The following TANGO6 variants were observed in gnomAD, a reference collection of about 807,000 sequenced individuals.
TANGO6 encodes the protein transport and Golgi organization protein 6 homolog.
In TANGO6, 90 loss-of-function variants were observed where a neutral mutation model predicts 114.2. That is an observed-to-expected ratio of 0.79 (90% CI 0.66 to 0.94). The LOEUF is 0.94. Among genes scored for constraint, TANGO6 ranks in the 40% least tolerant of loss-of-function variants. TANGO6 has a pLI of 0.00. For missense variants in TANGO6, 1,274 were observed against 1,315.3 expected, an observed-to-expected ratio of 0.97 and a Z score of 0.49; for synonymous variants, 477 against 509.8, an observed-to-expected ratio of 0.94 and a Z score of 0.87.
intron 17 of TANGO6, among the ~76,000 whole-genome samples, chr16:69,073,337 C>T (rs1335284334): frequency 6.6e-6 from 1 of 152,210 alleles, no homozygotes; most frequent in African/African-American, 2.4e-5. Flanking sequence ...TCTTCCTCCA[C>T]CCACCTCCAA....
At chr16:68,867,465 G>A (rs567975045) in intron 4 of TANGO6, 4 of 415,276 alleles carry the variant, frequency 9.6e-6, no homozygotes, top group Middle Eastern at 1.3e-3. Context: ...AATATTGTAA[G>A]CCATTTCAAA....
chr16:68,916,201 G>A (rs1051271701), intron 11 of TANGO6, among the ~76,000 whole-genome samples: 99 of 152,166 alleles, frequency 6.5e-4, no homozygotes, highest in African/African-American at 2.3e-3. Context: ...CCCAGGCCAC[G>A]GACTGGTACT....
At chr16:68,844,179 G>A (rs1191039167) in intron 1 of TANGO6, among the ~76,000 whole-genome samples, 1 of 152,166 alleles carries the variant, frequency 6.6e-6, no homozygotes, top group Non-Finnish European at 1.5e-5. Context: ...AAATGGGTTT[G>A]GGGAGAGTAT....
intron 14 of TANGO6, among the ~76,000 whole-genome samples, chr16:68,963,038 G>A (rs1394113021): frequency 6.7e-6 from 1 of 149,004 alleles, no homozygotes; most frequent in African/African-American, 2.5e-5. Context: ...AGCTTGCAGT[G>A]AGCCGAGATC....
At chr16:68,983,080 C>A (rs1963855393) in intron 15 of TANGO6, among the ~76,000 whole-genome samples, 1 of 151,850 alleles carries the variant, frequency 6.6e-6, no homozygotes, top group South Asian at 2.1e-4. Context: ...AAACTCCTGG[C>A]CTCAAATGAT....
chr16:69,004,564 C>T (rs1032743865), intron 15 of TANGO6, among the ~76,000 whole-genome samples: 3 of 151,634 alleles, frequency 2.0e-5, no homozygotes, highest in Non-Finnish European at 2.9e-5. Flanking sequence ...GCATGTTGGT[C>T]AGGCTGGTCT....
chr16:68,861,791 C>T (rs951390277), intron 2 of TANGO6, among the ~76,000 whole-genome samples: 7 of 152,246 alleles, frequency 4.6e-5, no homozygotes, highest in Non-Finnish European at 5.9e-5. Context: ...GTATGTGAAA[C>T]GGTAATGGGC....
intron 4 of TANGO6, among the ~76,000 whole-genome samples, chr16:68,869,483 A>C (rs1421805869): frequency 6.6e-6 from 1 of 152,212 alleles, no homozygotes; most frequent in Admixed American, 6.5e-5. Context: ...GTGTCAAACA[A>C]ACAAACAAAC....
chr16:68,945,456 A>G (rs1264969733), intron 14 of TANGO6, among the ~76,000 whole-genome samples: 1 of 151,988 alleles, frequency 6.6e-6, no homozygotes, highest in Non-Finnish European at 1.5e-5. Flanking sequence ...TTGGGGCAAT[A>G]TTATGTGCAC....
At chr16:68,901,018 A>G (rs1403533781) in intron 8 of TANGO6, among the ~76,000 whole-genome samples, 4 of 152,214 alleles carry the variant, frequency 2.6e-5, no homozygotes, top group African/African-American at 9.7e-5. Flanking sequence ...TTAGTCATCC[A>G]GAAAATACTC....
At chr16:68,846,231 G>T (rs562090483) in intron 1 of TANGO6, among the ~76,000 whole-genome samples, 1 of 151,956 alleles carries the variant, frequency 6.6e-6, no homozygotes, top group Non-Finnish European at 1.5e-5. Context: ...TCACCATGTT[G>T]GCCAGGCGAG....
intron 17 of TANGO6, among the ~76,000 whole-genome samples, chr16:69,051,066 A>T (rs1319872084): frequency 6.6e-6 from 1 of 151,826 alleles, no homozygotes; most frequent in Non-Finnish European, 1.5e-5. Flanking sequence ...TAAATTACAT[A>T]TTAAATTGAT....
chr16:68,976,301 A>C (rs997190315), intron 15 of TANGO6, among the ~76,000 whole-genome samples: 1 of 152,246 alleles, frequency 6.6e-6, no homozygotes, highest in Non-Finnish European at 1.5e-5. Context: ...TGATTCTTAC[A>C]GTGTTATTTG....
chr16:68,850,866 GTTTGTT>G (rs1310657025), intron 1 of TANGO6, among the ~76,000 whole-genome samples: 1 of 151,998 alleles, frequency 6.6e-6, no homozygotes, highest in Non-Finnish European at 1.5e-5. Flanking sequence ...TGGTTCATTT[GTTTGTT>G]TTTCATTTTT....
At chr16:68,894,172 A>G (rs1962672649) in intron 7 of TANGO6, among the ~76,000 whole-genome samples, 1 of 152,198 alleles carries the variant, frequency 6.6e-6, no homozygotes, top group South Asian at 2.1e-4. Flanking sequence ...GAAATGCAGC[A>G]TTGGCTGAAT....
intron 15 of TANGO6, among the ~76,000 whole-genome samples, chr16:69,016,229 A>G (rs553877552): frequency 1.1e-4 from 17 of 152,260 alleles, no homozygotes; most frequent in African/African-American, 3.9e-4. Context: ...TGGGCACTCA[A>G]TTAAGATTTG....
chr16:69,021,980 G>A (rs1567560266), intron 15 of TANGO6, among the ~76,000 whole-genome samples: 2 of 151,278 alleles, frequency 1.3e-5, no homozygotes, highest in East Asian at 3.9e-4. Flanking sequence ...CCGCCTCCCG[G>A]GTTCAGGCCA....
At chr16:68,979,826 G>A (rs1415199570) in intron 15 of TANGO6, among the ~76,000 whole-genome samples, 1 of 150,634 alleles carries the variant, frequency 6.6e-6, no homozygotes, top group Non-Finnish European at 1.5e-5. Context: ...TTTCATTAGG[G>A]TATCAATTTT....
chr16:69,025,882 C>A, intron 16 of TANGO6: 1 of 238,950 alleles, frequency 4.2e-6, no homozygotes, highest in Non-Finnish European at 9.2e-6. Flanking sequence ...GGAACCAAAG[C>A]CTCCTGAACC....
Sources: gnomAD v4.1 joint callset for allele counts (sites outside exome capture counted in the v4.1 genomes callset) on GRCh38, gnomAD v4.1.1 for gene constraint, MANE v1.5 for transcripts, NCBI Gene and HGNC (gene_info 2026-07-23, HGNC 2026-07-21) for gene names.